CACNA1C: variants seen among roughly 807,000 people sequenced by gnomAD.
The protein encoded by CACNA1C is calcium voltage-gated channel subunit alpha1 C, also known as voltage-dependent L-type calcium channel subunit alpha-1C.
Under a neutral mutation model 229.0 loss-of-function variants are expected in CACNA1C, and 30 were observed. The ratio of observed to expected loss-of-function variants is 0.13; its 90% CI spans 0.10 to 0.18. CACNA1C has a LOEUF of 0.18. Among genes scored for constraint, CACNA1C ranks in the 10% least tolerant of loss-of-function variants. The probability of loss-of-function intolerance (pLI) is 1.00; values close to 1 mark genes in which losing one functional copy is unlikely to be tolerated. For synonymous variants in CACNA1C, 1,114 were observed against 1,132.5 expected (o/e 0.98, Z 0.33); for missense variants, 1,658 against 2,845.0 (o/e 0.58, Z 9.49).
intron 8 of CACNA1C, among the ~76,000 whole-genome samples, chr12:2,510,552 T>C (rs192438241): frequency 5.3e-5 from 8 of 152,340 alleles, no homozygotes; most frequent in Non-Finnish European, 8.8e-5. Flanking sequence ...GGGGTATAGA[T>C]GGTGAGCTTC....
At chr12:2,268,225 GT>G (rs1227128247) in intron 3 of CACNA1C, among the ~76,000 whole-genome samples, 1 of 152,162 alleles carries the variant, frequency 6.6e-6, no homozygotes, top group East Asian at 1.9e-4. Flanking sequence ...TCTGAAGAGG[GT>G]TTAGCTTTCA....
chr12:2,328,381 G>A (rs1177138375), intron 3 of CACNA1C, among the ~76,000 whole-genome samples: 2 of 149,330 alleles, frequency 1.3e-5, no homozygotes, highest in Non-Finnish European at 2.9e-5. Context: ...TAGGATTCTA[G>A]CATTTTTGCC....
chr12:1,985,403 C>T (rs1565827697), intron 1 of CACNA1C, among the ~76,000 whole-genome samples: 1 of 152,164 alleles, frequency 6.6e-6, no homozygotes. Flanking sequence ...GCTATTAAGA[C>T]CATCCAAGAA....
chr12:2,564,235 T>C (rs1324472104), intron 11 of CACNA1C, among the ~76,000 whole-genome samples: 5 of 152,194 alleles, frequency 3.3e-5, no homozygotes, highest in Non-Finnish European at 7.4e-5. Flanking sequence ...TGATACGCAC[T>C]GTGATATTTT....
chr12:2,158,177 G>GT (rs1363644765), intron 3 of CACNA1C, among the ~76,000 whole-genome samples: 1 of 152,208 alleles, frequency 6.6e-6, no homozygotes, highest in Non-Finnish European at 1.5e-5. Flanking sequence ...AAGGATATTA[G>GT]TATCCAGATT....
chr12:2,231,073 C>T (rs1464148781), intron 3 of CACNA1C, among the ~76,000 whole-genome samples: 9 of 152,148 alleles, frequency 5.9e-5, no homozygotes, highest in Admixed American at 3.9e-4. Flanking sequence ...AAATAAAAAC[C>T]GGCTTAAGCC....
In CACNA1C at chr12:2,501,339, C is replaced by T. The variant is rs553778556; in HGVS notation, c.1114-3503C>T. ...AGCTACAAGGACACCCACAGGCTCCCCCTGACCTTGGATCCAGGTTTCCCT... is the reference window on the plus strand; with the variant it reads ...AGCTACAAGGACACCCACAGGCTCCTCCTGACCTTGGATCCAGGTTTCCCT... On this transcript the variant is annotated intron_variant, in intron 7 of 46. Transcript: ENST00000399655. Among the ~76,000 whole-genome samples, 8 of 152,158 alleles carry T rather than the reference C, an allele frequency of 5.3e-5. No homozygotes were observed. The South Asian group carries it at 6.2e-4, about 12-fold the overall frequency.
At chr12:2,220,739 C>G (rs796881785) in intron 3 of CACNA1C, 9 of 152,282 alleles carry the variant, frequency 5.9e-5, no homozygotes, top group African/African-American at 2.2e-4. Flanking sequence ...AAATTATTTC[C>G]TTTTTCCTGT....
intron 3 of CACNA1C, among the ~76,000 whole-genome samples, chr12:2,418,792 A>G (rs2098943500): frequency 6.6e-6 from 1 of 152,090 alleles, no homozygotes; most frequent in African/African-American, 2.4e-5. Flanking sequence ...ACCTGACACG[A>G]GCCAGGTTTA....
intron 3 of CACNA1C, among the ~76,000 whole-genome samples, chr12:2,169,214 T>A (rs2096374423): frequency 6.6e-6 from 1 of 152,200 alleles, no homozygotes. Flanking sequence ...AATTTTTGTG[T>A]GCTGTTGCTT....
At chr12:2,622,218 A>G (rs2083635675) in intron 29 of CACNA1C, among the ~76,000 whole-genome samples, 2 of 152,190 alleles carry the variant, frequency 1.3e-5, no homozygotes, top group Non-Finnish European at 1.5e-5. Context: ...GAGGGAGGCC[A>G]GAATGCTGCC....
chr12:2,437,810 A>G lies in CACNA1C; in HGVS notation c.478-11166A>G, dbSNP rs575952766. Reference sequence around the variant, plus strand: ...GATGGTGGTGGTGGGGATGGTGATGATGGTGGTGGTGGTAATGGTGGTGGT... The same window carrying G: ...GATGGTGGTGGTGGGGATGGTGATGGTGGTGGTGGTGGTAATGGTGGTGGT... On this transcript the variant is annotated intron_variant, in intron 3 of 46. Transcript: ENST00000399655. Among the ~76,000 whole-genome samples, 188 of 124,670 alleles carry G rather than the reference A, an allele frequency of 1.5e-3. 2 individuals carry two copies. The highest frequency in any genetic ancestry group is 2.2e-3 in the Non-Finnish European group (123 of 57,162). The allele number at this position is 124,670 out of a possible 152,430, so 81.8% of individuals were successfully genotyped here.
chr12:2,574,626 C>T (rs1045471889), intron 13 of CACNA1C, among the ~76,000 whole-genome samples: 4 of 152,200 alleles, frequency 2.6e-5, no homozygotes, highest in East Asian at 1.9e-4. Flanking sequence ...AGGTGAGAGC[C>T]GTTAGCACAT....
chr12:2,367,999 A>T (rs2097766311), intron 3 of CACNA1C, among the ~76,000 whole-genome samples: 1 of 152,222 alleles, frequency 6.6e-6, no homozygotes, highest in South Asian at 2.1e-4. Flanking sequence ...AATCCATTGG[A>T]TTCACAGTTA....
chr12:2,179,307 T>A (rs1475111764), intron 3 of CACNA1C, among the ~76,000 whole-genome samples: 1 of 152,166 alleles, frequency 6.6e-6, no homozygotes, highest in Admixed American at 6.5e-5. Flanking sequence ...GGAGGAGGTA[T>A]GCATTGCCAC....
intron 9 of CACNA1C, among the ~76,000 whole-genome samples, chr12:2,513,730 C>T (rs1223454754): frequency 2.0e-5 from 3 of 152,166 alleles, no homozygotes; most frequent in Non-Finnish European, 2.9e-5. Flanking sequence ...AAAGCATGGC[C>T]GCTGACCAGC....
chr12:2,228,139 G>T (rs757707747), intron 3 of CACNA1C, among the ~76,000 whole-genome samples: 21 of 152,152 alleles, frequency 1.4e-4, no homozygotes, highest in Non-Finnish European at 2.2e-4. Context: ...TCAGAGTTCA[G>T]TTGGCTTGTG....
intron 3 of CACNA1C, among the ~76,000 whole-genome samples, chr12:2,249,772 C>CTTT (rs369050599): frequency 2.2e-5 from 3 of 138,800 alleles, no homozygotes; most frequent in Non-Finnish European, 1.6e-5. Context: ...TGCCTTCTCT[C>CTTT]TTTTTTTTTT....
At chr12:2,365,633 G>A (rs2097700859) in intron 3 of CACNA1C, among the ~76,000 whole-genome samples, 1 of 152,178 alleles carries the variant, frequency 6.6e-6, no homozygotes, top group Admixed American at 6.5e-5. Context: ...AGTTGGGAGA[G>A]ATGACTAATG....
Sources: allele counts gnomAD v4.1 joint callset (sites outside exome capture counted in the v4.1 genomes callset), GRCh38; gene constraint gnomAD v4.1.1; transcripts MANE v1.5; gene names NCBI Gene and HGNC (gene_info 2026-07-23, HGNC 2026-07-21).